The following PRKCA variants were observed in gnomAD, a reference collection of about 807,000 sequenced individuals.
The protein encoded by PRKCA is protein kinase C alpha.
A neutral mutation model predicts 87.0 loss-of-function variants in PRKCA; 27 were observed. The ratio of observed to expected loss-of-function variants is 0.31; its 90% CI spans 0.23 to 0.43. PRKCA has a LOEUF of 0.43. PRKCA is among the 20% of genes least tolerant of loss of function. The probability of loss-of-function intolerance (pLI) is 1.00; values close to 1 mark genes in which losing one functional copy is unlikely to be tolerated. For synonymous variants in PRKCA, 329 were observed against 311.1 expected, an observed-to-expected ratio of 1.06 and a Z score of -0.61; for missense variants, 518 against 852.3, an observed-to-expected ratio of 0.61 and a Z score of 4.88.
At chr17:66,726,469 G>A (rs937099173) in intron 8 of PRKCA, among the ~76,000 whole-genome samples, 14 of 152,228 alleles carry the variant, frequency 9.2e-5, no homozygotes, top group African/African-American at 3.4e-4. Flanking sequence ...CTGGGAGAAG[G>A]AAGGAGTGTT....
chr17:66,692,101 G>A (rs575981952), intron 8 of PRKCA, among the ~76,000 whole-genome samples: 11 of 152,218 alleles, frequency 7.2e-5, no homozygotes, highest in Admixed American at 7.2e-4. Flanking sequence ...CTTGGCAGGA[G>A]CGCCAGCCCA....
intron 2 of PRKCA, among the ~76,000 whole-genome samples, chr17:66,375,305 G>T (rs976690137): frequency 2.0e-5 from 3 of 152,114 alleles, no homozygotes; most frequent in African/African-American, 7.2e-5. Context: ...CCTGTCACCC[G>T]GAAAAACCCT....
At chr17:66,679,245 A>G (rs1010986432) in intron 5 of PRKCA, among the ~76,000 whole-genome samples, 1 of 145,254 alleles carries the variant, frequency 6.9e-6, no homozygotes, top group African/African-American at 2.6e-5. Context: ...CAGTGGCGCA[A>G]TCTGGGCTCA....
intron 2 of PRKCA, among the ~76,000 whole-genome samples, chr17:66,312,180 C>A (rs971274735): frequency 6.6e-6 from 1 of 152,166 alleles, no homozygotes; most frequent in African/African-American, 2.4e-5. Flanking sequence ...CGGAGTTTCA[C>A]CATATTGGCC....
chr17:66,719,275 C>T (rs1378475628), intron 8 of PRKCA, among the ~76,000 whole-genome samples: 1 of 152,058 alleles, frequency 6.6e-6, no homozygotes, highest in Admixed American at 6.6e-5. Flanking sequence ...AATCATGTGG[C>T]AGAAGAGTGC....
At chr17:66,320,571 TAAAG>T (rs1452755089) in intron 2 of PRKCA, among the ~76,000 whole-genome samples, 1 of 152,190 alleles carries the variant, frequency 6.6e-6, no homozygotes, top group Non-Finnish European at 1.5e-5. Flanking sequence ...AGTAACAACA[TAAAG>T]AACTCGTATT....
rs1316780539 is a variant in PRKCA, at chr17:66,587,731, ATATATACGTATATGTGTGTATATG to A, written c.289-53619_289-53596del. ...TACGTATATGTGTGTATATGTATAC[ATATATACGTATATGTGTGTATATG>A]TATACATATATACGTATATGTGTGT... is the stretch of plus-strand genomic sequence containing the variant. On this transcript the variant is annotated intron_variant, in intron 3 of 16. Coordinates refer to ENST00000413366, the MANE Select transcript of PRKCA (RefSeq NM_002737.3). Among the ~76,000 whole-genome samples the A allele has an allele frequency of 9.7e-5, 11 of 113,080 alleles. 1 individual carries two copies. The highest frequency in any genetic ancestry group is 2.8e-4 in the Admixed American group (3 of 10,670). 74.2% of individuals were successfully genotyped at this position (113,080 alleles called of 152,430 possible).
chr17:66,777,522 A>G (rs1009717892), intron 14 of PRKCA: 5 of 981,870 alleles, frequency 5.1e-6, no homozygotes, highest in African/African-American at 3.6e-5. Context: ...CAGTGAGTCA[A>G]TGGCTGGAGA....
intron 2 of PRKCA, among the ~76,000 whole-genome samples, chr17:66,331,624 A>G (rs1440345827): frequency 1.3e-5 from 2 of 152,054 alleles, no homozygotes; most frequent in African/African-American, 4.8e-5. Flanking sequence ...GGACTGGAGG[A>G]TCTCTCATGG....
intron 2 of PRKCA, among the ~76,000 whole-genome samples, chr17:66,371,048 A>G (rs1909079095): frequency 6.6e-6 from 1 of 152,220 alleles, no homozygotes; most frequent in African/African-American, 2.4e-5. Context: ...AAAGAGAACA[A>G]ATTTGGGATT....
At chr17:66,745,217 T>C (rs914678926) in intron 13 of PRKCA, among the ~76,000 whole-genome samples, 9 of 152,204 alleles carry the variant, frequency 5.9e-5, no homozygotes, top group African/African-American at 2.2e-4. Flanking sequence ...CTAAACACAC[T>C]TCTGTCATGT....
In PRKCA at chr17:66,688,372, A is replaced by G; in HGVS notation, c.757A>G (p.Asn253Asp). 5 of 1,614,198 alleles carry G rather than the reference A, an allele frequency of 3.1e-6. No homozygotes were observed. The highest frequency in any genetic ancestry group is 4.2e-6 in the Non-Finnish European group (5 of 1,180,032). Residue 253 changes from asparagine to aspartate, a missense_variant, in exon 7 of 17, where the codon AAT becomes GAT. Physicochemically the swap from Asn to Asp is conservative, Grantham distance 23 (BLOSUM62 1). This residue lies in a region of PRKCA where 300 missense variants were observed against 496.8 expected (regional missense o/e 0.60). Coordinates refer to ENST00000413366, the MANE Select transcript of PRKCA (RefSeq NM_002737.3). ...EIWDWDRTTR[N>D]DFMGSLSFGV... The stretch of plus-strand genomic sequence containing the variant: ...CTGGGACTGGGATCGAACAACAAGG[A>G]ATGACTTCATGGGATCCCTTTCCTT...
intron 3 of PRKCA, among the ~76,000 whole-genome samples, chr17:66,550,801 A>C (rs1365078636): frequency 6.6e-6 from 1 of 152,190 alleles, no homozygotes; most frequent in Non-Finnish European, 1.5e-5. Flanking sequence ...TGCGGGTGGA[A>C]AGGAAGCGAC....
chr17:66,690,802 T>C (rs1379717313), intron 8 of PRKCA, among the ~76,000 whole-genome samples: 2 of 125,914 alleles, frequency 1.6e-5, no homozygotes, highest in Non-Finnish European at 3.1e-5. Context: ...CACTCCAGCC[T>C]GGGCAACAGA....
chr17:66,505,121 T>A (rs1361778099), intron 3 of PRKCA, among the ~76,000 whole-genome samples: 3 of 152,146 alleles, frequency 2.0e-5, no homozygotes, highest in Non-Finnish European at 2.9e-5. Flanking sequence ...CTTCAGTGGG[T>A]GGATTATTTT....
chr17:66,363,283 G>T (rs1324221871), intron 2 of PRKCA, among the ~76,000 whole-genome samples: 7 of 152,148 alleles, frequency 4.6e-5, no homozygotes, highest in African/African-American at 1.7e-4. Context: ...CAACCCTTTT[G>T]TTATTTTACC....
chr17:66,546,730 C>G (rs1275281770), intron 3 of PRKCA, among the ~76,000 whole-genome samples: 3 of 152,176 alleles, frequency 2.0e-5, no homozygotes, highest in African/African-American at 7.2e-5. Context: ...TTCACGTAGA[C>G]CTGGAGTAAA....
intron 16 of PRKCA, among the ~76,000 whole-genome samples, chr17:66,793,845 A>G (rs566003671): frequency 2.0e-5 from 3 of 152,310 alleles, no homozygotes; most frequent in Admixed American, 6.5e-5. Context: ...TGCCAGAAAA[A>G]TAAAAGCTCC....
At chr17:66,439,955 C>T (rs544914495) in intron 2 of PRKCA, among the ~76,000 whole-genome samples, 2 of 152,196 alleles carry the variant, frequency 1.3e-5, no homozygotes, top group African/African-American at 2.4e-5. Flanking sequence ...CTGTCTCCTT[C>T]TGCTGATGGA....
Sources: allele counts gnomAD v4.1 joint callset (sites outside exome capture counted in the v4.1 genomes callset), GRCh38; gene constraint gnomAD v4.1.1; regional missense constraint gnomAD v4.1.1; transcripts MANE v1.5; gene names NCBI Gene and HGNC (gene_info 2026-07-23, HGNC 2026-07-21).